The following HYAL1 variants were observed in gnomAD, a reference collection of about 807,000 sequenced individuals.
HYAL1 encodes the protein hyaluronidase 1.
HYAL1 carries 21 observed loss-of-function variants against 28.8 expected under a neutral mutation model. That is an observed-to-expected ratio of 0.73 (90% CI 0.52 to 1.05). The LOEUF (loss-of-function observed/expected upper bound fraction) is 1.05, where lower values mean the gene tolerates loss of function less well. Ranked by LOEUF, HYAL1 falls within the 50% of genes least tolerant of loss-of-function variation. The probability of loss-of-function intolerance (pLI) is 0.00; values close to 1 mark genes in which losing one functional copy is unlikely to be tolerated. For missense variants in HYAL1, 491 were observed against 579.2 expected, an observed-to-expected ratio of 0.85 and a Z score of 1.56; for synonymous variants, 200 against 230.1, an observed-to-expected ratio of 0.87 and a Z score of 1.18.
chr3:50,308,017 G>C (rs1702370307), upstream of HYAL1, among the ~76,000 whole-genome samples: 1 of 151,032 alleles, frequency 6.6e-6, no homozygotes, highest in Non-Finnish European at 1.5e-5. Context: ...GGATGGTCTT[G>C]ATCTCCTGAC....
rs1553713145 is a variant in HYAL1 at position 50,302,311 on chromosome 3, T to C, written c.646A>G (p.Asn216Asp). 2 of 1,613,544 alleles carry C rather than the reference T, an allele frequency of 1.2e-6. No homozygotes were observed. The highest frequency in any genetic ancestry group is 1.6e-4 in the Middle Eastern group (1 of 6,062). The change falls in exon 2 of 4, where the codon AAC (asparagine) becomes GAC (aspartate). Residue 216 changes from asparagine (N) to aspartate (D), a missense_variant. Asn to Asp is a conservative substitution (Grantham distance 23, BLOSUM62 1). Coordinates refer to ENST00000395144, the MANE Select transcript of HYAL1 (RefSeq NM_033159.4). This position sits in a 1 kb window ranked among gnomAD's most constrained non-coding sequence, Gnocchi z 5.0. ...CCTGATGGGCACTGGCCGGTGTAGTTGGGGCTTAGAAAGTCATAGTTGTAG... is the reference window on the plus strand; with the variant it reads ...CCTGATGGGCACTGGCCGGTGTAGTCGGGGCTTAGAAAGTCATAGTTGTAG... ...DCYNYDFLSP[N>D]YTGQCPSGIR...
upstream of HYAL1, among the ~76,000 whole-genome samples, chr3:50,307,746 A>G (rs148506936): frequency 0.01 from 1,533 of 150,270 alleles, 17 homozygotes; most frequent in Non-Finnish European, 0.017. Context: ...AACAAATTGG[A>G]AAGTCCAACC....
At chr3:50,303,080 G>A (rs1383232942) in intron 1 of HYAL1, 100 bp from the exon 2 acceptor site, 2 of 930,962 alleles carry the variant, frequency 2.1e-6, no homozygotes, top group Admixed American at 2.9e-5. Context: ...ATCCACCGCT[G>A]CTCTGGTTTC....
At chr3:50,310,927 A>C (rs1702432874) in intron 1 of HYAL1, among the ~76,000 whole-genome samples, 1 of 152,090 alleles carries the variant, frequency 6.6e-6, no homozygotes, top group South Asian at 2.1e-4. Context: ...GTAAGGTCAC[A>C]GATCAACAGG....
chr3:50,300,302 C>A lies in HYAL1; in HGVS notation c.*181G>T. The A allele has an allele frequency of 1.5e-6, 1 of 673,568 alleles. No homozygotes were observed. The highest frequency in any genetic ancestry group is 2.7e-6 in the Non-Finnish European group (1 of 376,298). 41.7% of individuals were successfully genotyped at this position (673,568 alleles called of 1,614,324 possible). A position where few individuals can be genotyped will look rare whatever the true frequency, so the allele number is the denominator to read the frequency against. On this transcript the variant is annotated 3_prime_UTR_variant, in exon 4 of 4. Transcript: ENST00000395144. ...ATGGTGTCTGCTGTGGTTCTAACTC[C>A]TTATGCCACTATTCCAGTCTGTAAG...
rs782456139 is a variant in HYAL1, at chr3:50,302,637, G to A, written c.320C>T (p.Ala107Val). 2.5e-6 allele frequency: 4 copies of A among 1,614,196 alleles called. No homozygotes were observed. Among genetic ancestry groups the A allele is most frequent in the Non-Finnish European group, 2.5e-6 (3 of 1,180,054 alleles). Residue 107 changes from alanine (A) to valine (V), a missense_variant, in exon 2 of 4, where the codon GCC becomes GTC. By Grantham distance (64) the Ala-to-Val change is moderately conservative. Transcript: ENST00000395144. The surrounding 1 kb of genome is among the most constrained non-coding windows in gnomAD (Gnocchi z 5.0). Reference protein sequence around the residue: ...PQNASLIAHLARTFQDILAAI... With the variant: ...PQNASLIAHLVRTFQDILAAI... Reference sequence around the variant, plus strand: ...AGCCAGGATGTCCTGGAATGTGCGGGCCAGGTGGGCAATCAGGCTGGCATT... The same window carrying A: ...AGCCAGGATGTCCTGGAATGTGCGGACCAGGTGGGCAATCAGGCTGGCATT...
upstream of HYAL1, chr3:50,303,853 G>C (rs886058694): frequency 6.6e-6 from 1 of 152,288 alleles, no homozygotes; most frequent in Non-Finnish European, 1.5e-5. Context: ...ACTGGAGACC[G>C]GGTTCTTTCG....
chr3:50,303,970 T>A (rs587594354), upstream of HYAL1: 6 of 152,148 alleles, frequency 3.9e-5, no homozygotes, highest in African/African-American at 1.2e-4. Context: ...AAAAATATTT[T>A]AAAATATGGC....
Position 50,302,869 on chromosome 3 carries a change from G to A in HYAL1, c.88C>T (p.Arg30Trp), listed in dbSNP as rs1559820971. The change falls in exon 2 of 4, where the codon CGG becomes TGG. Residue 30 changes from arginine to tryptophan, a missense_variant. Transcript: ENST00000395144. This position sits in a 1 kb window ranked among gnomAD's most constrained non-coding sequence, Gnocchi z 5.0. ...GCATTCCAGACGGTGGTGAAGGGCC[G>A]GTTGGGTAGCAAGGGGCCCCTAAAG... ...QGFRGPLLPNRPFTTVWNANT... is the reference protein window; with the variant it reads ...QGFRGPLLPNWPFTTVWNANT... The A allele has an allele frequency of 4.3e-6, 7 of 1,613,064 alleles. No homozygotes were observed. The highest frequency in any genetic ancestry group is 2.2e-5 in the East Asian group (1 of 44,864).
In HYAL1 at chr3:50,301,055, C is replaced by T. The variant is rs1553712766; in HGVS notation, c.923G>A (p.Gly308Glu). 1 of 1,613,260 alleles carries T rather than the reference C, an allele frequency of 6.2e-7. No homozygotes were observed. Among genetic ancestry groups the T allele is most frequent in the Non-Finnish European group, 8.5e-7 (1 of 1,179,560 alleles). ...AGCTGCCCCCTGGGCCGCACTCTCC[C>T]CCAGGCTGTGCTCCAGCTCATCCTG... ...LPLDELEHSL[G>E]ESAAQGAAGV... The change falls in exon 3 of 4, where the codon GGG (glycine) becomes GAG (glutamate). Residue 308 changes from glycine to glutamate, a missense_variant. Coordinates refer to ENST00000395144, the MANE Select transcript of HYAL1 (RefSeq NM_033159.4).
chr3:50,311,518 GCCGGGCAGAGGCGCCCCTCACCT>G (rs1377729257), intron 1 of HYAL1, among the ~76,000 whole-genome samples: 6 of 134,876 alleles, frequency 4.4e-5, no homozygotes, highest in Non-Finnish European at 9.7e-5. Context: ...AGTAGGGGCG[GCCGGGCAGAGGCGCCCCTCACCT>G]CCGGGATGGG....
At chr3:50,306,885 TCAACAACAA>T (rs587607761), upstream of HYAL1, among the ~76,000 whole-genome samples, 20 of 148,424 alleles carry the variant, frequency 1.3e-4, no homozygotes, top group Non-Finnish European at 2.7e-4. Flanking sequence ...AGACTCCATC[TCAACAACAA>T]CAACAACAAC....
Position 50,300,382 on chromosome 3 carries a change from C to G in HYAL1, c.*101G>C. ...TGACAGTGGCTGAGTGTACTCTTTA[C>G]TGTGACCATGACTTGTATGACTGTG... On this transcript the variant is annotated 3_prime_UTR_variant, in exon 4 of 4. Transcript: ENST00000395144. 8.3e-7 allele frequency: 1 copy of G among 1,198,132 alleles called. No homozygotes were observed. The highest frequency in any genetic ancestry group is 1.2e-5 in the South Asian group (1 of 81,350). The allele number at this position is 1,198,132 out of a possible 1,614,324, so 74.2% of individuals were successfully genotyped here. A position where few individuals can be genotyped will look rare whatever the true frequency, so the allele number is the denominator to read the frequency against.
Position 50,302,902 on chromosome 3 carries a change from C to A in HYAL1, c.55G>T (p.Ala19Ser). Reference sequence around the variant, plus strand: ...AGCAAGGGGCCCCTAAAGCCTTGGGCCATATCGAGTAAGGTCAGGAAGAGG... The same window carrying A: ...AGCAAGGGGCCCCTAAAGCCTTGGGACATATCGAGTAAGGTCAGGAAGAGG... The part of the protein sequence containing the change: ...CALFLTLLDM[A>S]QGFRGPLLPN... Residue 19 changes from alanine (A) to serine (S), a missense_variant, in exon 2 of 4, where the codon GCC (alanine) becomes TCC (serine). Ala to Ser is a moderately conservative substitution (Grantham distance 99, BLOSUM62 1). Transcript: ENST00000395144. This position sits in a 1 kb window ranked among gnomAD's most constrained non-coding sequence, Gnocchi z 5.0. 1 of 1,606,738 alleles carries A rather than the reference C, an allele frequency of 6.2e-7. No homozygotes were observed.
At chr3:50,301,352 A>G (rs1702151879) in intron 2 of HYAL1, among the ~76,000 whole-genome samples, 2 of 152,256 alleles carry the variant, frequency 1.3e-5, no homozygotes, top group Non-Finnish European at 2.9e-5. Context: ...GCGGTGGCTC[A>G]TACCTGTAAT....
upstream of HYAL1, among the ~76,000 whole-genome samples, chr3:50,307,275 G>T (rs140564618): frequency 6.7e-6 from 1 of 150,122 alleles, no homozygotes; most frequent in Non-Finnish European, 1.5e-5. Flanking sequence ...TGAGGCAGGA[G>T]AATCGCTTGA....
Position 50,302,272 on chromosome 3 carries a change from T to C in HYAL1, c.685A>G (p.Asn229Asp). Residue 229 changes from asparagine to aspartate, a missense_variant, in exon 2 of 4, where the codon AAT (asparagine) becomes GAT (aspartate). Physicochemically the swap from Asn to Asp is conservative, Grantham distance 23. Coordinates refer to ENST00000395144, the MANE Select transcript of HYAL1 (RefSeq NM_033159.4). The surrounding 1 kb of genome is among the most constrained non-coding windows in gnomAD (Gnocchi z 5.0). Reference protein sequence around the residue: ...GQCPSGIRAQNDQLGWLWGQS... With the variant: ...GQCPSGIRAQDDQLGWLWGQS... ...CCCCACAGCCACCCTAGCTGGTCAT[T>C]TTGGGCACGGATGCCTGATGGGCAC... 2 of 1,613,804 alleles carry C rather than the reference T, an allele frequency of 1.2e-6. No homozygotes were observed. Among genetic ancestry groups the C allele is most frequent in the Admixed American group, 1.7e-5 (1 of 60,020 alleles).
In HYAL1 at chr3:50,300,036, C is replaced by G; in HGVS notation, c.*447G>C. On this transcript the variant is annotated 3_prime_UTR_variant, in exon 4 of 4. Transcript: ENST00000395144. ...CCTGGGTTTGAATCTCAACTTCTCC[C>G]TTTTCTTGCTGTGCAACCTTGGGCA... 4.1e-6 allele frequency: 1 copy of G among 245,280 alleles called. No individual in the cohort carries two copies. The highest frequency in any genetic ancestry group is 4.8e-5 in the South Asian group (1 of 20,802). 15.2% of individuals were successfully genotyped at this position (245,280 alleles called of 1,614,324 possible).
upstream of HYAL1, among the ~76,000 whole-genome samples, chr3:50,304,673 A>G (rs1702301477): frequency 6.6e-6 from 1 of 152,110 alleles, no homozygotes; most frequent in Admixed American, 6.6e-5. Context: ...TGGATAAGTC[A>G]TCCCTGTTGT....
Sources: allele counts gnomAD v4.1 joint callset (sites outside exome capture counted in the v4.1 genomes callset), GRCh38; gene constraint gnomAD v4.1.1; non-coding constraint Gnocchi (gnomAD v3.1); transcripts MANE v1.5; gene names NCBI Gene and HGNC (gene_info 2026-07-23, HGNC 2026-07-21).